The following TRDMT1 variants were observed in gnomAD, a reference collection of about 807,000 sequenced individuals.
The protein encoded by TRDMT1 is tRNA (cytosine(38)-C(5))-methyltransferase.
A neutral mutation model predicts 51.2 loss-of-function variants in TRDMT1; 49 were observed. The ratio of observed to expected loss-of-function variants is 0.96; its 90% CI spans 0.76 to 1.21. The LOEUF is 1.21. Ranked by LOEUF, TRDMT1 falls within the 50% of genes most tolerant of loss-of-function variation. The pLI is 0.00. For missense variants in TRDMT1, 534 were observed against 462.3 expected (o/e 1.16, Z -1.42); for synonymous variants, 187 against 164.6 (o/e 1.14, Z -1.04).
chr10:17,179,215 C>T (rs1000888684), intron 1 of TRDMT1, among the ~76,000 whole-genome samples: 6 of 152,138 alleles, frequency 3.9e-5, no homozygotes, highest in African/African-American at 1.4e-4. Flanking sequence ...ATGTTGATGT[C>T]ATGAGGTAGC....
chr10:17,173,278 T>C (rs1036366388), intron 2 of TRDMT1, among the ~76,000 whole-genome samples: 29 of 152,176 alleles, frequency 1.9e-4, no homozygotes, highest in African/African-American at 6.8e-4. Flanking sequence ...AACTAGAAAC[T>C]ACTTAAATGT....
At chr10:17,174,778 T>A in intron 1 of TRDMT1, 118 bp from the exon 2 acceptor site, 1 of 788,730 alleles carries the variant, frequency 1.3e-6, no homozygotes, top group Non-Finnish European at 2.1e-6. Flanking sequence ...TAGCCTCATC[T>A]CAGACTGTCA....
intron 2 of TRDMT1, among the ~76,000 whole-genome samples, chr10:17,171,296 G>A (rs1339274272): frequency 6.6e-6 from 1 of 152,128 alleles, no homozygotes; most frequent in African/African-American, 2.4e-5. Flanking sequence ...GGGAAACCCT[G>A]AAGACACTGA....
intron 2 of TRDMT1, among the ~76,000 whole-genome samples, chr10:17,173,081 A>T (rs1260818791): frequency 2.0e-5 from 3 of 152,148 alleles, no homozygotes; most frequent in Admixed American, 2.0e-4. Context: ...AGAATAATGA[A>T]TTTTTTAAAA....
At chr10:17,191,157 C>G (rs1844631869) in intron 1 of TRDMT1, among the ~76,000 whole-genome samples, 1 of 152,064 alleles carries the variant, frequency 6.6e-6, no homozygotes, top group South Asian at 2.1e-4. Flanking sequence ...GTAGAGTGAG[C>G]AAGGGGACAG....
chr10:17,160,540 C>T (rs1273465674), intron 5 of TRDMT1, among the ~76,000 whole-genome samples, 166 bp from the exon 6 acceptor site: 1 of 152,020 alleles, frequency 6.6e-6, no homozygotes, highest in Non-Finnish European at 1.5e-5. Context: ...GGCAGAATCT[C>T]GGCTCACTGC....
chr10:17,190,154 T>C (rs1321291915), intron 1 of TRDMT1, among the ~76,000 whole-genome samples: 1 of 152,122 alleles, frequency 6.6e-6, no homozygotes, highest in Admixed American at 6.5e-5. Flanking sequence ...TCGCTAAAAA[T>C]GAGATATAAT....
At chr10:17,182,719 T>G (rs767084760) in intron 1 of TRDMT1, among the ~76,000 whole-genome samples, 1 of 152,184 alleles carries the variant, frequency 6.6e-6, no homozygotes, top group Non-Finnish European at 1.5e-5. Context: ...ACTTATAAAC[T>G]ATAGCTCCCA....
chr10:17,150,031 A>G (rs1838481606), intron 10 of TRDMT1, among the ~76,000 whole-genome samples: 1 of 152,108 alleles, frequency 6.6e-6, no homozygotes, highest in African/African-American at 2.4e-5. Context: ...CACTAACTCT[A>G]TGTTTAATGT....
intron 8 of TRDMT1, among the ~76,000 whole-genome samples, chr10:17,157,116 T>A (rs1392276804): frequency 6.6e-6 from 1 of 152,210 alleles, no homozygotes; most frequent in Non-Finnish European, 1.5e-5. Flanking sequence ...AGGTATGATG[T>A]GCCACAGAAG....
At chr10:17,156,120 T>C (rs193140753) in intron 8 of TRDMT1, among the ~76,000 whole-genome samples, 54 of 152,222 alleles carry the variant, frequency 3.5e-4, no homozygotes, top group Non-Finnish European at 1.5e-5. Context: ...ATACAAGATA[T>C]TAATAGCTAG....
At chr10:17,169,368 C>A in intron 2 of TRDMT1, 1 of 1,241,410 alleles carries the variant, frequency 8.1e-7, no homozygotes, top group Non-Finnish European at 1.0e-6. Flanking sequence ...CCATCCCTTT[C>A]ATATACATCT....
At chr10:17,163,145 A>G (rs997730107) in intron 3 of TRDMT1, among the ~76,000 whole-genome samples, 3 of 152,224 alleles carry the variant, frequency 2.0e-5, no homozygotes, top group African/African-American at 7.2e-5. Flanking sequence ...TTCTATAAGC[A>G]GGAGGTGCAA....
chr10:17,170,145 A>T (rs1169463880), intron 2 of TRDMT1, among the ~76,000 whole-genome samples: 1 of 152,184 alleles, frequency 6.6e-6, no homozygotes. Flanking sequence ...AACAGAGTCA[A>T]TGTCTCTAAT....
At chr10:17,193,297 A>G (rs922707106) in intron 1 of TRDMT1, among the ~76,000 whole-genome samples, 9 of 152,066 alleles carry the variant, frequency 5.9e-5, no homozygotes, top group African/African-American at 2.2e-4. Flanking sequence ...CAGGAGGCAG[A>G]GGTTGCAGTG....
chr10:17,186,422 G>A (rs1170329399), intron 1 of TRDMT1, among the ~76,000 whole-genome samples: 1 of 152,144 alleles, frequency 6.6e-6, no homozygotes, highest in African/African-American at 2.4e-5. Context: ...TGGAGATGGA[G>A]TAGAGGTCAG....
At chr10:17,178,227 A>G (rs904612268) in intron 1 of TRDMT1, among the ~76,000 whole-genome samples, 1 of 152,260 alleles carries the variant, frequency 6.6e-6, no homozygotes, top group African/African-American at 2.4e-5. Context: ...ATGAAAGATC[A>G]GTTGAATACA....
rs950853311 is a variant in TRDMT1, at chr10:17,143,332, A to G, written c.*5708T>C. 2 of 985,436 alleles carry G rather than the reference A, an allele frequency of 2.0e-6. No individual in the cohort carries two copies. Among genetic ancestry groups the G allele is most frequent in the Non-Finnish European group, 1.2e-6 (1 of 829,914 alleles). 61.0% of individuals were successfully genotyped at this position (985,436 alleles called of 1,614,324 possible). A position where few individuals can be genotyped will look rare whatever the true frequency, so the allele number is the denominator to read the frequency against. On this transcript the variant is annotated 3_prime_UTR_variant, in exon 11 of 11. Coordinates refer to ENST00000377799, the MANE Select transcript of TRDMT1 (RefSeq NM_004412.7). ...AATCTCTGCCCTTGTGGAAGTTTAC[A>G]TTCTCTAAAACATGAAACATTTTCC...
chr10:17,165,935 A>G (rs1354648464), intron 3 of TRDMT1, among the ~76,000 whole-genome samples: 1 of 151,458 alleles, frequency 6.6e-6, no homozygotes, highest in Non-Finnish European at 1.5e-5. Context: ...ACTGTAAACT[A>G]GTTCAACCAT....
Sources: allele counts gnomAD v4.1 joint callset (sites outside exome capture counted in the v4.1 genomes callset), GRCh38; gene constraint gnomAD v4.1.1; transcripts MANE v1.5; gene names NCBI Gene and HGNC (gene_info 2026-07-23, HGNC 2026-07-21).